FBXO10: variants seen among roughly 807,000 people sequenced by gnomAD.
FBXO10 encodes the protein F-box only protein 10.
In FBXO10, 39 loss-of-function variants were observed where a neutral mutation model predicts 80.7. That is an observed-to-expected ratio of 0.48 (90% CI 0.37 to 0.63). FBXO10 has a LOEUF of 0.63. FBXO10 is among the 30% of genes least tolerant of loss of function. The pLI is 0.00. For synonymous variants in FBXO10, 449 were observed against 489.6 expected (o/e 0.92, Z 1.09); for missense variants, 1,025 against 1,269.0 (o/e 0.81, Z 2.92).
intron 1 of FBXO10, among the ~76,000 whole-genome samples, chr9:37,555,663 G>A (rs1447778638): frequency 2.0e-5 from 3 of 152,140 alleles, no homozygotes; most frequent in Non-Finnish European, 4.4e-5. Flanking sequence ...TTACAGGCGT[G>A]AGCCACTGCG....
At chr9:37,572,172 G>T (rs918022292) in intron 1 of FBXO10, among the ~76,000 whole-genome samples, 4 of 151,974 alleles carry the variant, frequency 2.6e-5, no homozygotes, top group African/African-American at 9.7e-5. Context: ...ACCAAGGAGA[G>T]CAAGTTAAAA....
intron 1 of FBXO10, among the ~76,000 whole-genome samples, chr9:37,570,350 A>G (rs1822720948): frequency 6.6e-6 from 1 of 152,170 alleles, no homozygotes; most frequent in Non-Finnish European, 1.5e-5. Flanking sequence ...CAACAGAGAT[A>G]CCACATATCA....
At chr9:37,525,830 C>A (rs183407833) in intron 5 of FBXO10, among the ~76,000 whole-genome samples, 42 of 152,146 alleles carry the variant, frequency 2.8e-4, no homozygotes, top group African/African-American at 1.0e-3. Context: ...TGAGCCACCG[C>A]GCCTGGCCTT....
chr9:37,550,766 C>T (rs1353763500), intron 1 of FBXO10, among the ~76,000 whole-genome samples: 1 of 152,152 alleles, frequency 6.6e-6, no homozygotes, highest in East Asian at 1.9e-4. Context: ...GGCACCACAC[C>T]CAGCCTATTT....
chr9:37,525,201 G>T, intron 5 of FBXO10, 29 bp from the exon 6 acceptor site: 1 of 1,546,782 alleles, frequency 6.5e-7, no homozygotes, highest in Non-Finnish European at 8.8e-7. Context: ...AAAACAAAGA[G>T]GTGAGCCCAG....
At chr9:37,539,603 G>A (rs550720716) in intron 2 of FBXO10, among the ~76,000 whole-genome samples, 2 of 152,292 alleles carry the variant, frequency 1.3e-5, no homozygotes, top group East Asian at 3.9e-4. Context: ...TGAAGGGTCT[G>A]GAACATTATT....
chr9:37,541,823 C>G, intron 1 of FBXO10, 49 bp from the exon 2 acceptor site: 1 of 1,436,650 alleles, frequency 7.0e-7, no homozygotes, highest in South Asian at 1.4e-5. Context: ...TCCTACTTAC[C>G]AGTCCCCCTT....
intron 8 of FBXO10, among the ~76,000 whole-genome samples, chr9:37,518,952 C>T (rs889463857): frequency 1.3e-5 from 2 of 151,918 alleles, no homozygotes; most frequent in South Asian, 4.1e-4. Context: ...CTCTGTCGCC[C>T]AGGTTGGAGT....
intron 1 of FBXO10, among the ~76,000 whole-genome samples, chr9:37,568,328 G>A (rs1238532570): frequency 6.6e-6 from 1 of 152,050 alleles, no homozygotes; most frequent in South Asian, 2.1e-4. Flanking sequence ...TTCTCGGGTA[G>A]CTGGGATTAC....
intron 5 of FBXO10, 126 bp downstream of exon 5, chr9:37,528,998 G>T: frequency 7.9e-7 from 1 of 1,264,880 alleles, no homozygotes; most frequent in Non-Finnish European, 1.1e-6. Context: ...TTACTGGGGT[G>T]GGATGATGAG....
intron 1 of FBXO10, among the ~76,000 whole-genome samples, chr9:37,544,984 A>G (rs1253714622): frequency 1.1e-5 from 1 of 89,484 alleles, no homozygotes; most frequent in African/African-American, 4.7e-5. Flanking sequence ...ACAGAGCGAG[A>G]CTCTCTCAAA....
intron 1 of FBXO10, among the ~76,000 whole-genome samples, chr9:37,558,945 C>T (rs980490896): frequency 9.2e-5 from 14 of 151,946 alleles, no homozygotes; most frequent in Admixed American, 6.6e-4. Flanking sequence ...CGAGTAGCTG[C>T]GATTACAGAC....
At chr9:37,550,645 ATTTTTGTAG>A (rs1411569988) in intron 1 of FBXO10, among the ~76,000 whole-genome samples, 2 of 148,896 alleles carry the variant, frequency 1.3e-5, no homozygotes, top group Non-Finnish European at 3.0e-5. Context: ...CACCTGGCTA[ATTTTTGTAG>A]TTTTTGTAGA....
At chr9:37,560,414 G>C (rs919637249) in intron 1 of FBXO10, among the ~76,000 whole-genome samples, 1 of 152,068 alleles carries the variant, frequency 6.6e-6, no homozygotes, top group African/African-American at 2.4e-5. Flanking sequence ...TTTCCTAGCA[G>C]GTTACTGTCA....
intron 8 of FBXO10, among the ~76,000 whole-genome samples, chr9:37,520,072 C>T (rs1158612497): frequency 1.3e-5 from 2 of 151,936 alleles, no homozygotes; most frequent in Non-Finnish European, 2.9e-5. Flanking sequence ...TAAACTCAAG[C>T]GATCCTCCTG....
At chr9:37,574,562 C>T (rs1822846231) in intron 1 of FBXO10, among the ~76,000 whole-genome samples, 1 of 152,142 alleles carries the variant, frequency 6.6e-6, no homozygotes, top group South Asian at 2.1e-4. Context: ...TTCTTAAAAG[C>T]CCTGATAAAG....
At chr9:37,556,313 G>A (rs1822332735) in intron 1 of FBXO10, among the ~76,000 whole-genome samples, 1 of 151,318 alleles carries the variant, frequency 6.6e-6, no homozygotes, top group Non-Finnish European at 1.5e-5. Context: ...TTTTTCCTGT[G>A]TTTTTTTCTA....
intron 1 of FBXO10, among the ~76,000 whole-genome samples, chr9:37,564,533 T>C (rs1467953379): frequency 6.6e-6 from 1 of 152,094 alleles, no homozygotes; most frequent in Non-Finnish European, 1.5e-5. Context: ...GGTTGTATCC[T>C]GCAAAGCCAC....
In FBXO10 at chr9:37,512,473, C is replaced by T; in HGVS notation, c.*74G>A. The stretch of plus-strand genomic sequence containing the variant: ...CGAGGGGGAGGGGGAGGGGCGGAGT[C>T]TTTTCAGGCAGTATTTCCACCTTAG... On this transcript the variant is annotated 3_prime_UTR_variant, in exon 11 of 11. Coordinates refer to ENST00000432825, the MANE Select transcript of FBXO10 (RefSeq NM_012166.3). The T allele has an allele frequency of 6.5e-7, 1 of 1,528,406 alleles. No individual in the cohort carries two copies. The allele number at this position is 1,528,406 out of a possible 1,614,324, so 94.7% of individuals were successfully genotyped here. A position where few individuals can be genotyped will look rare whatever the true frequency, so the allele number is the denominator to read the frequency against.
Sources: gnomAD v4.1 joint callset for allele counts (sites outside exome capture counted in the v4.1 genomes callset) on GRCh38, gnomAD v4.1.1 for gene constraint, MANE v1.5 for transcripts, NCBI Gene and HGNC (gene_info 2026-07-23, HGNC 2026-07-21) for gene names.